GBP7: variants seen among roughly 807,000 people sequenced by gnomAD.
GBP7 encodes the protein guanylate-binding protein 7.
Under a neutral mutation model 61.3 loss-of-function variants are expected in GBP7, and 43 were observed. The ratio of observed to expected loss-of-function variants is 0.70; its 90% CI spans 0.55 to 0.91. The LOEUF (loss-of-function observed/expected upper bound fraction) is 0.91. Ranked by LOEUF, GBP7 falls within the 40% of genes least tolerant of loss-of-function variation. The pLI, the probability that GBP7 is intolerant of heterozygous loss-of-function variation, is 0.00. For missense variants in GBP7, 717 were observed against 740.5 expected (o/e 0.97, Z 0.37); for synonymous variants, 267 against 271.0 (o/e 0.99, Z 0.14).
At chr1:89,149,039 A>G (rs1230422191) in intron 7 of GBP7, among the ~76,000 whole-genome samples, 3 of 152,180 alleles carry the variant, frequency 2.0e-5, no homozygotes, top group Admixed American at 2.0e-4. Context: ...ATTGTTATTA[A>G]ATGTAGTTAG....
chr1:89,132,488 A>T, intron 10 of GBP7, 85 bp from the exon 11 acceptor site: 3 of 977,846 alleles, frequency 3.1e-6, no homozygotes, highest in Non-Finnish European at 4.5e-6. Flanking sequence ...TTAGTTAAAC[A>T]TGTGTCCATT....
intron 3 of GBP7, among the ~76,000 whole-genome samples, chr1:89,158,142 C>A (rs1055183390): frequency 6.6e-6 from 1 of 151,996 alleles, no homozygotes; most frequent in African/African-American, 2.4e-5. Context: ...TCAGAAAAGG[C>A]CTTGGACAAA....
chr1:89,168,547 C>G (rs912174785), intron 2 of GBP7, among the ~76,000 whole-genome samples: 3 of 152,136 alleles, frequency 2.0e-5, no homozygotes, highest in African/African-American at 7.2e-5. Flanking sequence ...TATTTTTCCA[C>G]CAGCTCTAGC....
intron 9 of GBP7, among the ~76,000 whole-genome samples, chr1:89,136,230 C>T (rs1273562379): frequency 6.6e-6 from 1 of 152,150 alleles, no homozygotes; most frequent in Non-Finnish European, 1.5e-5. Context: ...CTTCAACACT[C>T]CACTGACAAT....
chr1:89,167,408 T>A (rs1171453257), intron 2 of GBP7, among the ~76,000 whole-genome samples: 1 of 152,208 alleles, frequency 6.6e-6, no homozygotes, highest in Non-Finnish European at 1.5e-5. Context: ...ACATTGTCCT[T>A]CTGGTGAGTA....
intron 6 of GBP7, 116 bp from the exon 7 acceptor site, chr1:89,149,688 C>T (rs1682148798): frequency 1.3e-6 from 1 of 785,524 alleles, no homozygotes; most frequent in African/African-American, 1.8e-5. Context: ...TGAATTTTCC[C>T]TCCTTCTCCT....
Position 89,144,746 on chromosome 1 carries a change from G to A in GBP7, c.1365+2821C>T, listed in dbSNP as rs184331835. 9.9e-5 allele frequency among the ~76,000 whole-genome samples: 15 copies of A among 152,046 alleles called. No individual in the cohort carries two copies. The East Asian group carries it at 2.7e-3, about 27-fold the overall frequency. On this transcript the variant is annotated intron_variant, in intron 8 of 10. Transcript: ENST00000294671. ...ATCTTTTTTTTGTGTGTGTGTGGTG[G>A]GAACACAAGGGACCTACTCTCTTAG...
At chr1:89,167,735 G>A (rs1647482793) in intron 2 of GBP7, among the ~76,000 whole-genome samples, 2 of 152,172 alleles carry the variant, frequency 1.3e-5, no homozygotes, top group Non-Finnish European at 2.9e-5. Flanking sequence ...ATGCAGCAGG[G>A]AAAATGTGGT....
chr1:89,153,863 G>C (rs1340855478), intron 3 of GBP7, among the ~76,000 whole-genome samples: 1 of 152,174 alleles, frequency 6.6e-6, no homozygotes, highest in Non-Finnish European at 1.5e-5. Flanking sequence ...AAACGAGCTG[G>C]ACGTTAAGGA....
chr1:89,137,684 A>C (rs1440892585), intron 9 of GBP7, among the ~76,000 whole-genome samples: 1 of 152,190 alleles, frequency 6.6e-6, no homozygotes, highest in Non-Finnish European at 1.5e-5. Flanking sequence ...AAAAACCCAC[A>C]GCCAACATCA....
Position 89,171,916 on chromosome 1 carries a change from A to T in GBP7, c.20T>A (p.Met7Lys). 1 of 1,612,986 alleles carries T rather than the reference A, an allele frequency of 6.2e-7. No individual in the cohort carries two copies. Among genetic ancestry groups the T allele is most frequent in the Non-Finnish European group, 8.5e-7 (1 of 1,179,212 alleles). The part of the protein sequence containing the change: MASEIH[M>K]PGPVCLTENT... ...CTCAGTGAGGCACACTGGGCCTGGC[A>T]TGTGGATCTCTGATGCCATGTTCAG... The change falls in exon 2 of 11, where the codon ATG becomes AAG. Residue 7 changes from methionine to lysine, a missense_variant. By Grantham distance (95) the Met-to-Lys change is moderately conservative (BLOSUM62 -1). This residue lies in a region of GBP7 where 387 missense variants were observed against 385.2 expected (regional missense o/e 1.00). Transcript: ENST00000294671.
chr1:89,173,113 C>A (rs931275751), intron 1 of GBP7, among the ~76,000 whole-genome samples: 2 of 152,020 alleles, frequency 1.3e-5, no homozygotes, highest in Non-Finnish European at 2.9e-5. Flanking sequence ...TTTGGCTCCA[C>A]AACGTATTCT....
intron 2 of GBP7, among the ~76,000 whole-genome samples, chr1:89,169,151 C>T (rs1474633564): frequency 1.3e-5 from 2 of 152,148 alleles, no homozygotes; most frequent in African/African-American, 4.8e-5. Flanking sequence ...TTGGATTTAG[C>T]TGTCCTTTTT....
intron 2 of GBP7, among the ~76,000 whole-genome samples, chr1:89,167,333 C>A (rs1647472504): frequency 6.6e-6 from 1 of 152,184 alleles, no homozygotes; most frequent in Non-Finnish European, 1.5e-5. Context: ...CAATAAAAGG[C>A]CTTGAATCCC....
chr1:89,149,555 C>T lies in GBP7; in HGVS notation c.889G>A (p.Glu297Lys). ...VTGNRLGMLVETYLDAINSGA... is the reference protein window; with the variant it reads ...VTGNRLGMLVKTYLDAINSGA... ...CTGTTGATGGCATCCAGGTAGGTCT[C>T]CACCAGCATCCCCAGCCCTGAATGA... The change falls in exon 7 of 11, where the codon GAG (glutamate) becomes AAG (lysine). Residue 297 changes from glutamate to lysine, a missense_variant. Glu to Lys is a moderately conservative substitution (Grantham distance 56, BLOSUM62 1). Coordinates refer to ENST00000294671, the MANE Select transcript of GBP7 (RefSeq NM_207398.3). 6.2e-7 allele frequency: 1 copy of T among 1,612,910 alleles called. No homozygotes were observed. The highest frequency in any genetic ancestry group is 1.1e-5 in the South Asian group (1 of 90,962).
intron 9 of GBP7, among the ~76,000 whole-genome samples, chr1:89,136,338 A>C (rs1467927689): frequency 5.3e-5 from 8 of 152,070 alleles, no homozygotes. Flanking sequence ...AGAACACTCC[A>C]CCCAACAATA....
intron 2 of GBP7, among the ~76,000 whole-genome samples, chr1:89,168,842 T>C (rs937137564): frequency 6.6e-6 from 1 of 151,902 alleles, no homozygotes; most frequent in African/African-American, 2.4e-5. Context: ...GGTGGCGGGC[T>C]CCTGTAATCC....
In GBP7 at chr1:89,133,251, G is replaced by C; in HGVS notation, c.1662+7C>G. ...CTCAAGCACTGCCAAGCTTCATCCAGACTCACCTTCATCTTGTGACTCAAC... is the reference window on the plus strand; with the variant it reads ...CTCAAGCACTGCCAAGCTTCATCCACACTCACCTTCATCTTGTGACTCAAC... On this transcript the variant is annotated splice_region_variant and intron_variant, in intron 10 of 10. Coordinates refer to ENST00000294671, the MANE Select transcript of GBP7 (RefSeq NM_207398.3). The C allele has an allele frequency of 6.2e-7, 1 of 1,611,396 alleles. No individual in the cohort carries two copies. Among genetic ancestry groups the C allele is most frequent in the Non-Finnish European group, 8.5e-7 (1 of 1,177,850 alleles).
At chr1:89,140,239 A>G (rs1424471856) in intron 9 of GBP7, among the ~76,000 whole-genome samples, 3 of 143,400 alleles carry the variant, frequency 2.1e-5, no homozygotes, top group African/African-American at 5.2e-5. Context: ...GAATTGAACA[A>G]TAAGAACACA....
Sources: allele counts gnomAD v4.1 joint callset (sites outside exome capture counted in the v4.1 genomes callset), GRCh38; gene constraint gnomAD v4.1.1; regional missense constraint gnomAD v4.1.1; transcripts MANE v1.5; gene names NCBI Gene and HGNC (gene_info 2026-07-23, HGNC 2026-07-21).